DMD: variants seen among roughly 807,000 people sequenced by gnomAD.
The protein encoded by DMD is dystrophin.
A neutral mutation model predicts 330.1 loss-of-function variants in DMD; 63 were observed. That is an observed-to-expected ratio of 0.19 (90% CI 0.16 to 0.24). The LOEUF (loss-of-function observed/expected upper bound fraction) is 0.24, where lower values mean the gene tolerates loss of function less well. Among genes scored for constraint, DMD ranks in the 10% least tolerant of loss-of-function variants. DMD has a pLI of 1.00. For synonymous variants in DMD, 1,223 were observed against 959.8 expected, an observed-to-expected ratio of 1.27 and a Z score of -5.07; for missense variants, 3,344 against 2,684.1, an observed-to-expected ratio of 1.25 and a Z score of -5.43.
intron 1 of DMD, among the ~76,000 whole-genome samples, chrX:33,262,413 T>C (rs2052973010): frequency 9.0e-6 from 1 of 111,238 alleles, no homozygotes; most frequent in Non-Finnish European, 1.9e-5. Context: ...TTAAAGATAA[T>C]GGCTGATAAT....
At chrX:31,332,208 C>T (rs1461408583) in intron 61 of DMD, among the ~76,000 whole-genome samples, 1 of 111,713 alleles carries the variant, frequency 9.0e-6, no homozygotes, top group East Asian at 2.8e-4. Context: ...GTCTGGGGCT[C>T]ACAACCCAAC....
intron 44 of DMD, among the ~76,000 whole-genome samples, chrX:32,029,039 C>T (rs2095865965): frequency 9.0e-6 from 1 of 110,604 alleles, no homozygotes; most frequent in Non-Finnish European, 1.9e-5. Flanking sequence ...CCTTATTTCC[C>T]CCAACAACCC....
intron 67 of DMD, among the ~76,000 whole-genome samples, chrX:31,197,706 C>T (rs1415158573): frequency 2.7e-5 from 3 of 111,384 alleles, no homozygotes; most frequent in African/African-American, 9.8e-5. Context: ...GTATACTTGA[C>T]GTTATCTAAA....
intron 63 of DMD, among the ~76,000 whole-genome samples, chrX:31,231,255 T>G (rs1350706294): frequency 9.0e-6 from 1 of 110,948 alleles, no homozygotes; most frequent in Non-Finnish European, 1.9e-5. Context: ...AGTATTATTT[T>G]AATATATAAC....
At position 31,479,072 on chromosome X, in the gene DMD, G is replaced by T. The variant is rs72466569; in HGVS notation, c.8579C>A (p.Pro2860His). 3 of 1,209,466 alleles carry T rather than the reference G, an allele frequency of 2.5e-6. No homozygotes were observed. The highest frequency in any genetic ancestry group is 2.2e-6 in the Non-Finnish European group (2 of 893,721). Residue 2860 changes from proline to histidine, a missense_variant, in exon 58 of 79, where the codon CCT (proline) becomes CAT (histidine). Coordinates refer to ENST00000357033, the MANE Select transcript of DMD (RefSeq NM_004006.3). ...AGTCTCAAGAGTACTCATGATTACA[G>T]GTTCTTTAGTTTTCAATTCCCTCTT... ...AFKRELKTKE[P>H]VIMSTLETVR...
chrX:31,696,656 G>C (rs1699087237), intron 52 of DMD, among the ~76,000 whole-genome samples: 1 of 112,200 alleles, frequency 8.9e-6, no homozygotes, highest in African/African-American at 3.2e-5. Flanking sequence ...AATTTGATTT[G>C]TGAAATATAT....
chrX:31,657,291 G>T (rs893062732), intron 54 of DMD, among the ~76,000 whole-genome samples: 1 of 111,925 alleles, frequency 8.9e-6, no homozygotes, highest in Non-Finnish European at 1.9e-5. Context: ...ACCTGGGGAT[G>T]TATCAAATGA....
chrX:32,379,727 A>C (rs1208882542), intron 34 of DMD, among the ~76,000 whole-genome samples: 1 of 111,584 alleles, frequency 9.0e-6, no homozygotes, highest in Non-Finnish European at 1.9e-5. Flanking sequence ...ACTTTGAATA[A>C]TCTGGATAGC....
chrX:31,804,427 T>G (rs990393637), intron 50 of DMD, among the ~76,000 whole-genome samples: 2 of 111,689 alleles, frequency 1.8e-5, no homozygotes, highest in Admixed American at 1.9e-4. Flanking sequence ...ATCTATCACC[T>G]GAACCACTGG....
At chrX:31,350,612 TGTGTGTGTGTGTGTGTGTGTGAGAGA>T (rs939555972) in intron 60 of DMD, among the ~76,000 whole-genome samples, 7 of 47,302 alleles carry the variant, frequency 1.5e-4, no homozygotes, top group African/African-American at 4.3e-4. Flanking sequence ...TGTGTGTGTG[TGTGTGTGTGTGTGTGTGTGTGAGAGA>T]GAGAGAGAGA....
At chrX:33,090,144 T>G (rs73452085) in intron 1 of DMD, among the ~76,000 whole-genome samples, 3,229 of 110,537 alleles carry the variant, frequency 0.029, 113 homozygotes, top group African/African-American at 0.1. Flanking sequence ...CTAGAGGAAA[T>G]GGCTTCGGAG....
At chrX:32,964,182 A>C (rs2092026473) in intron 2 of DMD, among the ~76,000 whole-genome samples, 1 of 99,604 alleles carries the variant, frequency 1.0e-5, no homozygotes. Flanking sequence ...CTTGAACCTG[A>C]GAGGTGGAGG....
Position 32,561,250 on chromosome X carries a change from A to C in DMD, c.1992+4452T>G, listed in dbSNP as rs781440588. On this transcript the variant is annotated intron_variant, in intron 16 of 78. Transcript: ENST00000357033. ...GTTCTAACCCAATGCAAACAAGCTA[A>C]CAACCACGATAAAACGTAACAGGAG... 6.3e-5 allele frequency among the ~76,000 whole-genome samples: 7 copies of C among 111,643 alleles called. No homozygotes were observed. The East Asian group carries it at 2.0e-3, about 32-fold the overall frequency.
At chrX:33,212,196 T>C (rs1387984124), upstream of DMD, among the ~76,000 whole-genome samples, 1 of 112,565 alleles carries the variant, frequency 8.9e-6, no homozygotes, top group East Asian at 2.8e-4. Context: ...AAATCCTAAA[T>C]TTCAGTTGTG....
At chrX:31,274,141 C>T (rs1237012058) in intron 62 of DMD, among the ~76,000 whole-genome samples, 1 of 111,708 alleles carries the variant, frequency 9.0e-6, no homozygotes, top group African/African-American at 3.3e-5. Context: ...CTGTAAACTG[C>T]TCTTTAGCAG....
intron 15 of DMD, among the ~76,000 whole-genome samples, chrX:32,572,235 C>CA (rs751403970): frequency 4.0e-3 from 438 of 109,504 alleles, no homozygotes; most frequent in Non-Finnish European, 6.7e-3. Context: ...ATTTATGGAG[C>CA]AAAAAAAATG....
chrX:33,272,591 A>C (rs2053174648), intron 1 of DMD, among the ~76,000 whole-genome samples: 1 of 110,508 alleles, frequency 9.0e-6, no homozygotes, highest in Non-Finnish European at 1.9e-5. Context: ...GGTTGAAACC[A>C]CATGTTGTGG....
intron 29 of DMD, among the ~76,000 whole-genome samples, chrX:32,421,152 T>A (rs1055256660): frequency 1.8e-5 from 2 of 112,377 alleles, no homozygotes; most frequent in African/African-American, 6.5e-5. Context: ...TCCAGATGAT[T>A]GTCATGGCTC....
At chrX:33,072,922 C>T (rs763416383) in intron 1 of DMD, among the ~76,000 whole-genome samples, 1 of 111,866 alleles carries the variant, frequency 8.9e-6, no homozygotes, top group African/African-American at 3.2e-5. Context: ...ACTAAAACTA[C>T]TATTTAATTA....
Sources: allele counts gnomAD v4.1 joint callset (sites outside exome capture counted in the v4.1 genomes callset), GRCh38; gene constraint gnomAD v4.1.1; transcripts MANE v1.5; gene names NCBI Gene and HGNC (gene_info 2026-07-23, HGNC 2026-07-21).